Variants in WWOX observed in about 807,000 individuals in gnomAD.
WWOX encodes WW domain containing oxidoreductase, also known as WW domain-containing oxidoreductase.
Under a neutral mutation model 46.2 loss-of-function variants are expected in WWOX, and 69 were observed. That is an observed-to-expected ratio of 1.49 (90% CI 1.23 to 1.82). WWOX has a LOEUF of 1.82. Ranked by LOEUF, WWOX falls within the 40% of genes most tolerant of loss-of-function variation. The pLI is 0.00. For synonymous variants in WWOX, 359 were observed against 202.6 expected (o/e 1.77, Z -6.56); for missense variants, 919 against 542.6 (o/e 1.69, Z -6.89).
At chr16:78,715,206 G>C (rs778617801) in intron 8 of WWOX, among the ~76,000 whole-genome samples, 11 of 152,196 alleles carry the variant, frequency 7.2e-5, no homozygotes, top group Admixed American at 6.5e-5. Context: ...GAGTTCAGTT[G>C]CAAGTTAAAG....
At chr16:78,406,687 C>T (rs190990007) in intron 6 of WWOX, among the ~76,000 whole-genome samples, 6 of 135,918 alleles carry the variant, frequency 4.4e-5, no homozygotes, top group African/African-American at 8.4e-5. Context: ...AGTGTAGTGG[C>T]GCAATCTCGG....
Position 78,115,033 on chromosome 16 carries a change from T to G in WWOX, c.288T>G (p.Asp96Glu). 6.2e-7 allele frequency: 1 copy of G among 1,614,200 alleles called. No homozygotes were observed. The highest frequency in any genetic ancestry group is 1.3e-5 in the African/African-American group (1 of 75,058). ...LDPRLAFTVDDNPTKPTTRQR... is the reference protein window; with the variant it reads ...LDPRLAFTVDENPTKPTTRQR... ...CAAGACTGGCGTTTACTGTGGATGA[T>G]AATCCGACCAAGCCAACCACCCGGC... Residue 96 changes from aspartate to glutamate, a missense_variant, in exon 4 of 9, where the codon GAT becomes GAG. Transcript: ENST00000566780.
chr16:78,361,366 A>G (rs1033272518), intron 5 of WWOX, among the ~76,000 whole-genome samples: 1 of 152,130 alleles, frequency 6.6e-6, no homozygotes, highest in African/African-American at 2.4e-5. Context: ...AGTTTTTCCA[A>G]TGTAATGTTA....
Position 78,425,550 on chromosome 16 carries a change from G to A in WWOX, c.791+495G>A, listed in dbSNP as rs539601628. ...GTTAGAGCATATTAGAAATCTGGCC[G>A]TGCCTCTTTTGGTTAAAATTTCAAT... On this transcript the variant is annotated intron_variant, in intron 7 of 8. Coordinates refer to ENST00000566780, the MANE Select transcript of WWOX (RefSeq NM_016373.4). Among the ~76,000 whole-genome samples, 2 of 152,280 alleles carry A rather than the reference G, an allele frequency of 1.3e-5. 1 individual carries two copies. The highest frequency in any genetic ancestry group is 3.9e-4 in the East Asian group (2 of 5,174).
intron 5 of WWOX, among the ~76,000 whole-genome samples, chr16:78,215,915 C>CA (rs775006510): frequency 0.022 from 2,823 of 126,922 alleles, 47 homozygotes; most frequent in African/African-American, 0.043. Context: ...GATTCCATCT[C>CA]AAAAAAAAAA....
At chr16:79,021,820 G>C (rs16949250) in intron 8 of WWOX, among the ~76,000 whole-genome samples, 2,599 of 152,276 alleles carry the variant, frequency 0.017, 78 homozygotes, top group African/African-American at 0.057. Context: ...GTCTGCACTA[G>C]CTTGTAGCTT....
At chr16:78,357,703 C>G (rs1217116464) in intron 5 of WWOX, among the ~76,000 whole-genome samples, 11 of 152,170 alleles carry the variant, frequency 7.2e-5, no homozygotes, top group Non-Finnish European at 1.5e-5. Flanking sequence ...GATTATTGAT[C>G]ACTTCCACAT....
chr16:78,675,864 A>G (rs531543527), intron 8 of WWOX, among the ~76,000 whole-genome samples: 9 of 152,200 alleles, frequency 5.9e-5, no homozygotes, highest in African/African-American at 1.9e-4. Context: ...GACTTTTCTG[A>G]TCATACCTGT....
intron 8 of WWOX, among the ~76,000 whole-genome samples, chr16:78,820,832 C>T (rs1372403267): frequency 6.6e-6 from 1 of 152,158 alleles, no homozygotes; most frequent in African/African-American, 2.4e-5. Flanking sequence ...CATGCCATGC[C>T]TGTCTCCTGG....
chr16:78,913,432 C>T (rs929043900), intron 8 of WWOX, among the ~76,000 whole-genome samples: 2 of 151,908 alleles, frequency 1.3e-5, no homozygotes, highest in African/African-American at 4.8e-5. Flanking sequence ...ACCTGTCTTG[C>T]AAAACCCTCA....
chr16:78,884,982 A>C (rs117368029), intron 8 of WWOX, among the ~76,000 whole-genome samples: 1 of 152,150 alleles, frequency 6.6e-6, no homozygotes, highest in South Asian at 2.1e-4. Flanking sequence ...GACCCCACCA[A>C]GCCATCTAGC....
intron 8 of WWOX, among the ~76,000 whole-genome samples, chr16:79,014,159 A>T (rs1394870128): frequency 2.0e-5 from 3 of 152,168 alleles, no homozygotes; most frequent in Non-Finnish European, 4.4e-5. Context: ...GGATGGTCCT[A>T]TTTAAGGAAG....
intron 5 of WWOX, among the ~76,000 whole-genome samples, chr16:78,313,146 G>A (rs1041977913): frequency 6.6e-6 from 1 of 152,180 alleles, no homozygotes; most frequent in Non-Finnish European, 1.5e-5. Flanking sequence ...AATGTAATGG[G>A]CAGAAAGGGC....
chr16:78,540,504 T>G (rs1475998986), intron 8 of WWOX, among the ~76,000 whole-genome samples: 1 of 152,146 alleles, frequency 6.6e-6, no homozygotes, highest in Admixed American at 6.5e-5. Flanking sequence ...AGAAAAGGAT[T>G]AGTTTTATTT....
intron 8 of WWOX, among the ~76,000 whole-genome samples, chr16:78,509,040 C>A (rs11640947): frequency 0.062 from 9,475 of 152,302 alleles, 589 homozygotes; most frequent in East Asian, 0.16. Flanking sequence ...TGTGTGTGTG[C>A]GTGCACACCT....
At chr16:78,748,596 G>T (rs762433042) in intron 8 of WWOX, among the ~76,000 whole-genome samples, 9 of 152,148 alleles carry the variant, frequency 5.9e-5, no homozygotes, top group African/African-American at 4.8e-5. Context: ...TGATCAACAT[G>T]CCCTAACTGG....
chr16:78,847,203 C>G (rs966951485), intron 8 of WWOX, among the ~76,000 whole-genome samples: 12 of 152,196 alleles, frequency 7.9e-5, no homozygotes, highest in Non-Finnish European at 1.2e-4. Context: ...GATCTAGGTG[C>G]TAGTTGCGCT....
At chr16:79,026,133 A>T (rs1332653506) in intron 8 of WWOX, among the ~76,000 whole-genome samples, 1 of 151,610 alleles carries the variant, frequency 6.6e-6, no homozygotes, top group Non-Finnish European at 1.5e-5. Flanking sequence ...TAAGTGCATC[A>T]TGTTAACCTT....
chr16:78,704,202 A>G (rs998874453), intron 8 of WWOX, among the ~76,000 whole-genome samples: 8 of 151,868 alleles, frequency 5.3e-5, no homozygotes, highest in South Asian at 2.1e-4. Flanking sequence ...CTGAGCCTCA[A>G]CATCTGTCTA....
Sources: gnomAD v4.1 joint callset for allele counts (sites outside exome capture counted in the v4.1 genomes callset) on GRCh38, gnomAD v4.1.1 for gene constraint, MANE v1.5 for transcripts, NCBI Gene and HGNC (gene_info 2026-07-23, HGNC 2026-07-21) for gene names.